Variants in NFAT5 observed in about 807,000 individuals in gnomAD.
NFAT5 encodes nuclear factor of activated T-cells 5.
Under a neutral mutation model 166.5 loss-of-function variants are expected in NFAT5, and 31 were observed. That is an observed-to-expected ratio of 0.19 (90% confidence interval 0.14 to 0.25). The LOEUF is 0.25. Among genes scored for constraint, NFAT5 ranks in the 10% least tolerant of loss-of-function variants. NFAT5 has a pLI of 1.00. For synonymous variants in NFAT5, 612 were observed against 639.7 expected, an observed-to-expected ratio of 0.96 and a Z score of 0.65; for missense variants, 1,449 against 1,821.8, an observed-to-expected ratio of 0.80 and a Z score of 3.72.
At position 69,697,996 on chromosome 16, in the gene NFAT5, G is replaced by C. The variant is rs2037817443; in HGVS notation, c.*1645G>C. On this transcript the variant is annotated 3_prime_UTR_variant, in exon 15 of 15. Transcript: ENST00000349945. ...TAGTTGAACTGTGCGGAATTGTGGT[G>C]TTGGTTTTGTTTACACAGCCAGATT... The C allele has an allele frequency of 1.4e-5, 2 of 143,514 alleles. No individual in the cohort carries two copies. 8.9% of individuals were successfully genotyped at this position (143,514 alleles called of 1,614,324 possible).
Position 69,670,258 on chromosome 16 carries a change from A to G in NFAT5, c.1527A>G (p.Glu509=), listed in dbSNP as rs1274668418. ...NVSDENSWKS[E]AEIDMELFHQ... is the part of the protein sequence containing the mutation. ...CAGATGAAAACTCTTGGAAGTCAGA[A>G]GCTGAAATTGATATGGAACTATTTC... is the stretch of plus-strand genomic sequence containing the variant. Residue 509 remains glutamate, a synonymous_variant, in exon 9 of 15, where the codon GAA becomes GAG. Transcript: ENST00000349945. 8.2e-6 allele frequency: 13 copies of G among 1,589,836 alleles called. No individual in the cohort carries two copies. The highest frequency in any genetic ancestry group is 1.1e-5 in the Non-Finnish European group (13 of 1,169,058).
At chr16:69,685,063 A>G in intron 11 of NFAT5, 93 bp downstream of exon 11, 1 of 706,874 alleles carries the variant, frequency 1.4e-6, no homozygotes. Flanking sequence ...TTAGGTACTT[A>G]TAATACTTTG....
chr16:69,597,517 A>T (rs975857751), intron 2 of NFAT5, among the ~76,000 whole-genome samples: 1 of 151,930 alleles, frequency 6.6e-6, no homozygotes, highest in Non-Finnish European at 1.5e-5. Flanking sequence ...CATTCCTAGC[A>T]TGATTTCTTT....
rs756958361 is a variant in NFAT5 at position 69,692,781 on chromosome 16, A to G, written c.2956A>G (p.Thr986Ala). ...TGCAGTTTCTGGAAATGAAACTTCT[A>G]CAACTACCACACAGCAGGTTGCAAC... ...PPAVSGNETS[T>A]TTTQQVATPG... The change falls in exon 13 of 15, where the codon ACA becomes GCA. Residue 986 changes from threonine (T) to alanine (A), a missense_variant. This residue lies in a region of NFAT5 where 891 missense variants were observed against 993.0 expected (regional missense o/e 0.90). Transcript: ENST00000349945. The G allele has an allele frequency of 1.9e-6, 3 of 1,614,186 alleles. No homozygotes were observed. The highest frequency in any genetic ancestry group is 2.5e-6 in the Non-Finnish European group (3 of 1,180,022).
chr16:69,629,425 G>A (rs919064290), intron 3 of NFAT5, among the ~76,000 whole-genome samples: 26 of 152,048 alleles, frequency 1.7e-4, no homozygotes, highest in South Asian at 4.2e-4. Flanking sequence ...GTAAAAGAGC[G>A]TCTATCAAGC....
chr16:69,635,719 C>T (rs1345546502), intron 3 of NFAT5, among the ~76,000 whole-genome samples: 2 of 152,130 alleles, frequency 1.3e-5, no homozygotes, highest in African/African-American at 2.4e-5. Context: ...CATCAGATCT[C>T]CTGAGACATA....
In NFAT5 at chr16:69,700,761, T is replaced by C. The variant is rs1328952196; in HGVS notation, c.*4410T>C. 2 of 152,150 alleles carry C rather than the reference T, an allele frequency of 1.3e-5. No homozygotes were observed. The highest frequency in any genetic ancestry group is 2.4e-5 in the African/African-American group (1 of 41,426). 9.4% of individuals were successfully genotyped at this position (152,150 alleles called of 1,614,324 possible). On this transcript the variant is annotated 3_prime_UTR_variant, in exon 15 of 15. Transcript: ENST00000349945. ...GACCATAGGTTAGAAAAATAACTCA[T>C]AGTATATACCCTAGTAAGTGGGTTA...
At chr16:69,686,471 TGTGATC>T (rs899040911) in intron 11 of NFAT5, among the ~76,000 whole-genome samples, 1 of 152,154 alleles carries the variant, frequency 6.6e-6, no homozygotes, top group African/African-American at 2.4e-5. Context: ...TGCATTGAGC[TGTGATC>T]GTACCACTGC....
intron 1 of NFAT5, among the ~76,000 whole-genome samples, chr16:69,567,578 AT>A (rs1441611442): frequency 6.6e-6 from 1 of 152,156 alleles, no homozygotes; most frequent in Non-Finnish European, 1.5e-5. Flanking sequence ...GTGTATCTAA[AT>A]TGTTTAAGTG....
chr16:69,692,696 G>A lies in NFAT5; in HGVS notation c.2871G>A (p.Met957Ile). Residue 957 changes from methionine (M) to isoleucine (I), a missense_variant, in exon 13 of 15, where the codon ATG (methionine) becomes ATA (isoleucine). Met to Ile is a conservative substitution (Grantham distance 10). Coordinates refer to ENST00000349945, the MANE Select transcript of NFAT5 (RefSeq NM_138713.4). The part of the protein sequence containing the change: ...SPVYQQTSHM[M>I]SALSTNEDMQ... Reference sequence around the variant, plus strand: ...TTTACCAGCAGACTTCTCACATGATGAGTGCATTGTCTACCAATGAGGATA... The same window carrying A: ...TTTACCAGCAGACTTCTCACATGATAAGTGCATTGTCTACCAATGAGGATA... 6.2e-7 allele frequency: 1 copy of A among 1,614,228 alleles called. No individual in the cohort carries two copies.
intron 11 of NFAT5, among the ~76,000 whole-genome samples, chr16:69,687,210 G>T (rs1343040370): frequency 6.6e-6 from 1 of 152,084 alleles, no homozygotes; most frequent in African/African-American, 2.4e-5. Context: ...GGGAGGCCAA[G>T]CCAGTGGATC....
intron 2 of NFAT5, among the ~76,000 whole-genome samples, chr16:69,593,142 T>C (rs1406903574): frequency 6.6e-6 from 1 of 152,212 alleles, no homozygotes; most frequent in Non-Finnish European, 1.5e-5. Flanking sequence ...TATGAATACA[T>C]AAATTAGCCA....
In NFAT5 at chr16:69,648,767, C is replaced by T. The variant is rs996090438; in HGVS notation, c.812+1181C>T. The T allele has an allele frequency of 1.9e-5, 18 of 972,630 alleles. No individual in the cohort carries two copies. The African/African-American group carries it at 3.2e-4, about 17-fold the overall frequency. The allele number at this position is 972,630 out of a possible 1,614,324, so 60.2% of individuals were successfully genotyped here. A position where few individuals can be genotyped will look rare whatever the true frequency, so the allele number is the denominator to read the frequency against. ...GATCTCCTACAATTTCAGTTTTACA[C>T]AAAAAGTGGTCAAGAAGCTTTAGAT... On this transcript the variant is annotated intron_variant, in intron 4 of 14. Coordinates refer to ENST00000349945, the MANE Select transcript of NFAT5 (RefSeq NM_138713.4).
At chr16:69,633,392 A>G (rs1189197672) in intron 3 of NFAT5, among the ~76,000 whole-genome samples, 10 of 152,206 alleles carry the variant, frequency 6.6e-5, no homozygotes, top group Admixed American at 5.9e-4. Flanking sequence ...GGACTTTTTT[A>G]TATCACCAAC....
intron 7 of NFAT5, among the ~76,000 whole-genome samples, chr16:69,667,788 T>A (rs188044869): frequency 0.01 from 1,594 of 152,304 alleles, 25 homozygotes; most frequent in Admixed American, 0.019. Flanking sequence ...GGAATGTTTT[T>A]AAAAACAAGT....
At chr16:69,690,916 CT>C in intron 11 of NFAT5, 23 bp from the exon 12 acceptor site, 2 of 1,443,544 alleles carry the variant, frequency 1.4e-6, no homozygotes, top group South Asian at 1.6e-5. Flanking sequence ...TTAAACTTTT[CT>C]TTTTGTGTGT....
At position 69,669,389 on chromosome 16, in the gene NFAT5, AC is replaced by A. The variant is rs1224340445; in HGVS notation, c.1370-587del. ...GTGAAACCCCGTCTCTACTAAAAAT[AC>A]AAAAATTAGCTGGGCGTGGTAGTGT... On this transcript the variant is annotated intron_variant, in intron 7 of 14. Transcript: ENST00000349945. 2.6e-5 allele frequency among the ~76,000 whole-genome samples: 4 copies of A among 152,296 alleles called. No individual in the cohort carries two copies. In the South Asian group the frequency reaches 6.2e-4, roughly 24 times the overall value.
intron 10 of NFAT5, among the ~76,000 whole-genome samples, chr16:69,680,703 CTA>C (rs1308949916): frequency 6.6e-6 from 1 of 152,136 alleles, no homozygotes; most frequent in African/African-American, 2.4e-5. Context: ...GCTTCTGCCT[CTA>C]TGATACAGCT....
At position 69,702,018 on chromosome 16, in the gene NFAT5, T is replaced by C. The variant is rs1054475996; in HGVS notation, c.*5667T>C. ...CAGCTCCTTACCACAGCGGTGGTGC[T>C]TAAAGAAAGGATCATCAGCAACAGG... On this transcript the variant is annotated 3_prime_UTR_variant, in exon 15 of 15. Transcript: ENST00000349945. The C allele has an allele frequency of 6.6e-6, 1 of 152,668 alleles. No homozygotes were observed. The highest frequency in any genetic ancestry group is 6.5e-5 in the Admixed American group (1 of 15,276). The allele number at this position is 152,668 out of a possible 1,614,324, so 9.5% of individuals were successfully genotyped here.
Sources: gnomAD v4.1 joint callset for allele counts (sites outside exome capture counted in the v4.1 genomes callset) on GRCh38, gnomAD v4.1.1 for gene constraint, gnomAD v4.1.1 regional missense constraint, MANE v1.5 for transcripts, NCBI Gene and HGNC (gene_info 2026-07-23, HGNC 2026-07-21) for gene names.